Variants in DLG2 observed in about 807,000 individuals in gnomAD.
The protein encoded by DLG2 is disks large homolog 2.
In DLG2, 45 loss-of-function variants were observed where a neutral mutation model predicts 132.5. That is an observed-to-expected ratio of 0.34 (90% confidence interval 0.27 to 0.44). The LOEUF (loss-of-function observed/expected upper bound fraction) is 0.44, where lower values mean the gene tolerates loss of function less well. DLG2 is among the 20% of genes least tolerant of loss of function. The pLI is 1.00. For synonymous variants in DLG2, 424 were observed against 419.6 expected (o/e 1.01, Z -0.13); for missense variants, 1,045 against 1,196.9 (o/e 0.87, Z 1.87).
chr11:83,524,033 G>C (rs1166251794), intron 21 of DLG2, among the ~76,000 whole-genome samples: 2 of 152,160 alleles, frequency 1.3e-5, no homozygotes, highest in African/African-American at 4.8e-5. Flanking sequence ...GAAAAGAGTA[G>C]TGTTAGGAAG....
At chr11:84,854,900 T>C (rs1368119633) in intron 6 of DLG2, among the ~76,000 whole-genome samples, 1 of 152,012 alleles carries the variant, frequency 6.6e-6, no homozygotes, top group African/African-American at 2.4e-5. Context: ...TCTTCTCTCA[T>C]TGAGAAGACT....
intron 7 of DLG2, among the ~76,000 whole-genome samples, chr11:84,389,448 C>A (rs1032503527): frequency 3.9e-5 from 6 of 152,152 alleles, no homozygotes; most frequent in Non-Finnish European, 7.4e-5. Flanking sequence ...AAATATATTA[C>A]ATGGTATATA....
intron 17 of DLG2, chr11:83,790,839 G>T: frequency 1.3e-6 from 1 of 749,852 alleles, no homozygotes; most frequent in Non-Finnish European, 2.4e-6. Context: ...GACTTCCATG[G>T]TAGAAGAACT....
intron 18 of DLG2, among the ~76,000 whole-genome samples, chr11:83,637,613 G>T (rs1231173968): frequency 3.3e-5 from 5 of 152,116 alleles, no homozygotes; most frequent in Non-Finnish European, 5.9e-5. Context: ...TTGTTTCCAT[G>T]ACATCATGAC....
At chr11:85,445,336 C>T (rs1375273228) in intron 3 of DLG2, among the ~76,000 whole-genome samples, 2 of 152,150 alleles carry the variant, frequency 1.3e-5, no homozygotes, top group Non-Finnish European at 2.9e-5. Flanking sequence ...AGAAGCCATA[C>T]CTCTGGAGAA....
At chr11:84,010,293 G>GTAT (rs71463190) in intron 11 of DLG2, among the ~76,000 whole-genome samples, 6,830 of 147,468 alleles carry the variant, frequency 0.046, 198 homozygotes, top group African/African-American at 0.089. Flanking sequence ...CATTTTAATT[G>GTAT]TATTATTATT....
intron 4 of DLG2, among the ~76,000 whole-genome samples, chr11:85,283,266 C>A (rs1565265142): frequency 6.6e-6 from 1 of 151,208 alleles, no homozygotes; most frequent in Non-Finnish European, 1.5e-5. Context: ...TAATTAATTA[C>A]TTTTTTAAAA....
At chr11:84,220,681 C>T (rs980247313) in intron 8 of DLG2, among the ~76,000 whole-genome samples, 1 of 151,592 alleles carries the variant, frequency 6.6e-6, no homozygotes, top group African/African-American at 2.4e-5. Context: ...ATTACAGCTA[C>T]CAAATGAGTT....
At chr11:85,475,050 GAT>G (rs1007474579) in intron 3 of DLG2, among the ~76,000 whole-genome samples, 1 of 151,494 alleles carries the variant, frequency 6.6e-6, no homozygotes, top group African/African-American at 2.4e-5. Context: ...AGACTAATAA[GAT>G]AAGCCTCTGG....
Position 83,963,006 on chromosome 11 carries a change from C to T in DLG2, c.1219G>A (p.Glu407Lys). The T allele has an allele frequency of 6.2e-7, 1 of 1,612,568 alleles. No individual in the cohort carries two copies. The highest frequency in any genetic ancestry group is 8.5e-7 in the Non-Finnish European group (1 of 1,178,896). The change falls in exon 14 of 28, where the codon GAA becomes AAA. Residue 407 changes from glutamate (E) to lysine (K), a missense_variant. By Grantham distance (56) the Glu-to-Lys change is moderately conservative (BLOSUM62 1). Transcript: ENST00000376104. ...DITHSYSPPMENHLLSGNNGT... is the reference protein window; with the variant it reads ...DITHSYSPPMKNHLLSGNNGT... ...TTGTTGCCAGAGAGTAGATGGTTTTCCATTGGTGGAGAATAAGCTAAGAGG... is the reference window on the plus strand; with the variant it reads ...TTGTTGCCAGAGAGTAGATGGTTTTTCATTGGTGGAGAATAAGCTAAGAGG...
At chr11:84,528,321 C>T (rs1288837999) in intron 7 of DLG2, among the ~76,000 whole-genome samples, 4 of 152,194 alleles carry the variant, frequency 2.6e-5, no homozygotes, top group Admixed American at 2.0e-4. Context: ...CTTTCCAATC[C>T]CACACTTCAC....
intron 4 of DLG2, among the ~76,000 whole-genome samples, chr11:85,235,445 G>A (rs1358704972): frequency 5.9e-5 from 9 of 151,842 alleles, no homozygotes; most frequent in Admixed American, 5.9e-4. Flanking sequence ...CAACTCTTTA[G>A]AGTCAATAAT....
chr11:84,427,279 G>A (rs765867627), intron 7 of DLG2, among the ~76,000 whole-genome samples: 1 of 152,006 alleles, frequency 6.6e-6, no homozygotes. Context: ...AAGGAGGTAC[G>A]GAAGAAAAAG....
intron 15 of DLG2, among the ~76,000 whole-genome samples, chr11:83,877,622 C>T (rs1448220697): frequency 5.3e-5 from 8 of 152,104 alleles, no homozygotes; most frequent in African/African-American, 1.4e-4. Flanking sequence ...GAATTTGACT[C>T]CTTTTATATT....
intron 6 of DLG2, among the ~76,000 whole-genome samples, chr11:84,983,177 C>T (rs2056006940): frequency 6.6e-6 from 1 of 152,188 alleles, no homozygotes; most frequent in East Asian, 1.9e-4. Context: ...AAAATGACTG[C>T]AGGAATACAC....
At chr11:85,081,768 G>A (rs763557729) in intron 6 of DLG2, among the ~76,000 whole-genome samples, 6 of 152,146 alleles carry the variant, frequency 3.9e-5, no homozygotes, top group Non-Finnish European at 7.3e-5. Context: ...ATTATTCTTA[G>A]ATGTGCTATC....
chr11:84,294,821 C>A (rs1213523213), intron 7 of DLG2, among the ~76,000 whole-genome samples: 1 of 151,964 alleles, frequency 6.6e-6, no homozygotes, highest in Non-Finnish European at 1.5e-5. Context: ...TAAATTATAT[C>A]TAGTTGTCTT....
chr11:85,353,521 A>G (rs955601198), intron 3 of DLG2, among the ~76,000 whole-genome samples: 5 of 152,238 alleles, frequency 3.3e-5, no homozygotes, highest in African/African-American at 9.6e-5. Context: ...TCATGCTGCT[A>G]TAAAGACACG....
intron 11 of DLG2, among the ~76,000 whole-genome samples, chr11:83,988,543 G>A (rs1399905530): frequency 6.6e-6 from 1 of 152,132 alleles, no homozygotes; most frequent in African/African-American, 2.4e-5. Flanking sequence ...CTATCCATGA[G>A]CATGGAATGT....
Sources: gnomAD v4.1 joint callset for allele counts (sites outside exome capture counted in the v4.1 genomes callset) on GRCh38, gnomAD v4.1.1 for gene constraint, MANE v1.5 for transcripts, NCBI Gene and HGNC (gene_info 2026-07-23, HGNC 2026-07-21) for gene names.